MYO3B: variants seen among roughly 807,000 people sequenced by gnomAD.
The protein encoded by MYO3B is myosin IIIB, also known as myosin-IIIb.
A neutral mutation model predicts 174.6 loss-of-function variants in MYO3B; 156 were observed. The observed-to-expected ratio is 0.89, with a 90% CI of 0.78 to 1.02. The LOEUF (loss-of-function observed/expected upper bound fraction) is 1.02, where lower values mean the gene tolerates loss of function less well. Among genes scored for constraint, MYO3B ranks in the 50% least tolerant of loss-of-function variants. MYO3B has a pLI of 0.00. For synonymous variants in MYO3B, 563 were observed against 569.1 expected (o/e 0.99, Z 0.15); for missense variants, 1,632 against 1,639.4 (o/e 1.00, Z 0.08).
rs373313644 is a variant in MYO3B at position 170,615,378 on chromosome 2, G to C, written c.3734-36250G>C. ...TATAGAAGGTGACACCTACAAGTCA[G>C]GACGGAGGGATAGGGTGTGCTAGAG... On this transcript the variant is annotated intron_variant, in intron 32 of 34. Transcript: ENST00000408978. Among the ~76,000 whole-genome samples the C allele has an allele frequency of 6.0e-4, 91 of 152,350 alleles. 2 individuals are homozygous for C. The highest frequency in any genetic ancestry group is 2.1e-3 in the African/African-American group (87 of 41,590).
chr2:170,542,764 T>G lies in MYO3B; in HGVS notation c.3576-142T>G, dbSNP rs535012249. 4.1e-5 allele frequency: 26 copies of G among 635,364 alleles called. No individual in the cohort carries two copies. The East Asian group carries it at 7.6e-4, about 18-fold the overall frequency. 39.4% of individuals were successfully genotyped at this position (635,364 alleles called of 1,614,324 possible). On this transcript the variant is annotated intron_variant, in intron 30 of 34. Transcript: ENST00000408978. ...TCATTTTCTTAAGGTGACCATGTCC[T>G]TTTAACCAAGGACTGAAATGGGAAA...
chr2:170,500,062 G>A (rs1687160672), intron 27 of MYO3B, among the ~76,000 whole-genome samples: 1 of 152,156 alleles, frequency 6.6e-6, no homozygotes, highest in African/African-American at 2.4e-5. Context: ...ACAGCCATGA[G>A]CAAGACTGTG....
In MYO3B at chr2:170,404,383, C is replaced by A. The variant is rs200956524; in HGVS notation, c.2414C>A (p.Thr805Asn). ...LDEESRFPQA[T>N]DQTLVDKFED... is the part of the protein sequence containing the mutation. ...GAGGAAAGTCGGTTTCCCCAAGCAA[C>A]TGACCAGACCCTGGTTGGTAGGTAA... The change falls in exon 20 of 35, where the codon ACT (threonine) becomes AAT (asparagine). Residue 805 changes from threonine (T) to asparagine (N), a missense_variant. By Grantham distance (65) the Thr-to-Asn change is moderately conservative (BLOSUM62 0). Transcript: ENST00000408978. 1.2e-6 allele frequency: 2 copies of A among 1,611,790 alleles called. No individual in the cohort carries two copies. Among genetic ancestry groups the A allele is most frequent in the Admixed American group, 1.7e-5 (1 of 59,450 alleles).
chr2:170,202,367 TG>T (rs776442841), intron 3 of MYO3B, among the ~76,000 whole-genome samples: 2 of 152,170 alleles, frequency 1.3e-5, no homozygotes, highest in Non-Finnish European at 2.9e-5. Context: ...TGTCCCAGGA[TG>T]GGCAGTCTAA....
intron 32 of MYO3B, among the ~76,000 whole-genome samples, chr2:170,568,297 G>GC (rs1240047785): frequency 6.6e-6 from 1 of 152,104 alleles, no homozygotes; most frequent in Admixed American, 6.5e-5. Flanking sequence ...AATGCATTTG[G>GC]TAATAACAGG....
At chr2:170,339,338 G>T (rs558843926) in intron 8 of MYO3B, among the ~76,000 whole-genome samples, 1 of 152,270 alleles carries the variant, frequency 6.6e-6, no homozygotes, top group African/African-American at 2.4e-5. Flanking sequence ...ACGGCTTTAA[G>T]ACCTTTAATA....
intron 7 of MYO3B, among the ~76,000 whole-genome samples, chr2:170,237,534 G>A (rs78766518): frequency 5.1e-5 from 2 of 39,580 alleles, no homozygotes; most frequent in South Asian, 5.8e-4. Context: ...TGTTTTTGGC[G>A]GGGGGGAGGG....
chr2:170,463,324 A>C, intron 23 of MYO3B, 44 bp from the exon 24 acceptor site: 1 of 1,563,972 alleles, frequency 6.4e-7, no homozygotes, highest in Non-Finnish European at 8.8e-7. Flanking sequence ...GCATGAGGTA[A>C]GTGCCTAGAT....
At chr2:170,421,618 G>A (rs1368760875) in intron 22 of MYO3B, among the ~76,000 whole-genome samples, 1 of 152,196 alleles carries the variant, frequency 6.6e-6, no homozygotes, top group African/African-American at 2.4e-5. Context: ...TTATCTGTGA[G>A]ATGTTGTGAG....
chr2:170,222,556 A>G (rs2092912524), intron 6 of MYO3B, among the ~76,000 whole-genome samples: 1 of 151,938 alleles, frequency 6.6e-6, no homozygotes, highest in Non-Finnish European at 1.5e-5. Flanking sequence ...GCGTAACTCC[A>G]GTCTCTGCCT....
intron 25 of MYO3B, among the ~76,000 whole-genome samples, chr2:170,486,084 A>G (rs1365075572): frequency 1.3e-5 from 2 of 152,086 alleles, no homozygotes; most frequent in Non-Finnish European, 2.9e-5. Context: ...TGATGAGGAC[A>G]CTACACTGAC....
At chr2:170,301,138 A>G (rs957344982) in intron 7 of MYO3B, among the ~76,000 whole-genome samples, 1 of 152,190 alleles carries the variant, frequency 6.6e-6, no homozygotes, top group Non-Finnish European at 1.5e-5. Context: ...ATGTTACACC[A>G]TTTACTTGTC....
intron 32 of MYO3B, among the ~76,000 whole-genome samples, chr2:170,568,121 T>C (rs6705744): frequency 0.013 from 2,020 of 152,340 alleles, 16 homozygotes; most frequent in East Asian, 0.075. Context: ...ACAAATATTA[T>C]TATTTTCTAT....
Position 170,649,276 on chromosome 2 carries a change from A to G in MYO3B, c.3734-2352A>G, listed in dbSNP as rs1244604415. Among the ~76,000 whole-genome samples, 3 of 58,120 alleles carry G rather than the reference A, an allele frequency of 5.2e-5. 1 individual carries two copies. The highest frequency in any genetic ancestry group is 2.4e-4 in the African/African-American group (3 of 12,434). The allele number at this position is 58,120 out of a possible 152,430, so 38.1% of individuals were successfully genotyped here. A position where few individuals can be genotyped will look rare whatever the true frequency, so the allele number is the denominator to read the frequency against. On this transcript the variant is annotated intron_variant, in intron 32 of 34. Transcript: ENST00000408978. ...AAATAATATATAATATATTATATAT[A>G]AAATAATATATATTATATATAAAAT...
chr2:170,512,742 G>A (rs964325927), intron 28 of MYO3B, among the ~76,000 whole-genome samples: 2 of 152,326 alleles, frequency 1.3e-5, no homozygotes, highest in South Asian at 2.1e-4. Context: ...GGAAAAAAAA[G>A]GAGAATAGGG....
chr2:170,332,645 C>T (rs1456168129), intron 7 of MYO3B, among the ~76,000 whole-genome samples: 1 of 152,112 alleles, frequency 6.6e-6, no homozygotes, highest in Non-Finnish European at 1.5e-5. Context: ...TTTACAGGAT[C>T]AAATGAGGTT....
rs769531863 is a variant in MYO3B at position 170,401,802 on chromosome 2, C to CTTTTTTTT, written c.2129+119_2129+126dup. The CTTTTTTTT allele has an allele frequency of 6.3e-4, 442 of 698,846 alleles. 1 individual carries two copies. Among genetic ancestry groups the CTTTTTTTT allele is most frequent in the Middle Eastern group, 1.3e-3 (3 of 2,332 alleles). 43.3% of individuals were successfully genotyped at this position (698,846 alleles called of 1,614,324 possible). ...CCTCTCTGGGATTTTCTTTCTTTTTCTTTTTTTTTTTTTTTGTGGAGTCAG... is the reference window on the plus strand; with the variant it reads ...CCTCTCTGGGATTTTCTTTCTTTTTCTTTTTTTTTTTTTTTTTTTTTTTGTGGAGTCAG... On this transcript the variant is annotated intron_variant, in intron 18 of 34. Transcript: ENST00000408978.
chr2:170,379,329 G>C (rs2094318585), intron 9 of MYO3B, among the ~76,000 whole-genome samples: 1 of 151,940 alleles, frequency 6.6e-6, no homozygotes, highest in African/African-American at 2.4e-5. Context: ...TGAGTAGCTG[G>C]GGCTACAGGC....
chr2:170,249,116 C>G (rs2093223852), intron 7 of MYO3B, among the ~76,000 whole-genome samples: 1 of 152,178 alleles, frequency 6.6e-6, no homozygotes, highest in Non-Finnish European at 1.5e-5. Context: ...GCCTCCAGTC[C>G]TGGGTGCCAA....
Sources: allele counts gnomAD v4.1 joint callset (sites outside exome capture counted in the v4.1 genomes callset), GRCh38; gene constraint gnomAD v4.1.1; transcripts MANE v1.5; gene names NCBI Gene and HGNC (gene_info 2026-07-23, HGNC 2026-07-21).